Variants in RIMBP2 observed in about 807,000 individuals in gnomAD.
RIMBP2 encodes the protein RIMS-binding protein 2.
In RIMBP2, 48 loss-of-function variants were observed where a neutral mutation model predicts 118.6. The ratio of observed to expected loss-of-function variants is 0.40; its 90% CI spans 0.32 to 0.51. The LOEUF (loss-of-function observed/expected upper bound fraction) is 0.51. RIMBP2 is among the 20% of genes least tolerant of loss of function. The pLI, the probability that RIMBP2 is intolerant of heterozygous loss-of-function variation, is 0.41. For missense variants in RIMBP2, 1,551 were observed against 1,768.3 expected, an observed-to-expected ratio of 0.88 and a Z score of 2.20; for synonymous variants, 762 against 742.9, an observed-to-expected ratio of 1.03 and a Z score of -0.42.
intron 2 of RIMBP2, among the ~76,000 whole-genome samples, chr12:130,625,106 G>T (rs899111012): frequency 6.6e-6 from 1 of 152,198 alleles, no homozygotes; most frequent in Non-Finnish European, 1.5e-5. Context: ...CCCATATAAC[G>T]TGTGAAAGTC....
chr12:130,408,190 A>G (rs1190929171), intron 19 of RIMBP2, among the ~76,000 whole-genome samples: 1 of 152,176 alleles, frequency 6.6e-6, no homozygotes, highest in African/African-American at 2.4e-5. Flanking sequence ...GGCCCTGCAG[A>G]GTGCACGGTT....
At chr12:130,473,820 CCGA>C (rs2081209650) in intron 5 of RIMBP2, among the ~76,000 whole-genome samples, 1 of 152,124 alleles carries the variant, frequency 6.6e-6, no homozygotes, top group South Asian at 2.1e-4. Context: ...ACAACTGAGG[CCGA>C]CAATCTGAGG....
chr12:130,636,722 G>T (rs1397281647), intron 1 of RIMBP2, among the ~76,000 whole-genome samples: 1 of 152,146 alleles, frequency 6.6e-6, no homozygotes, highest in African/African-American at 2.4e-5. Flanking sequence ...AGAGAGTTTG[G>T]GTGTGGAGTC....
chr12:130,525,995 T>C lies in RIMBP2; in HGVS notation c.-216-8078A>G, dbSNP rs1016086475. On this transcript the variant is annotated intron_variant, in intron 2 of 22. Transcript: ENST00000690449. The surrounding 1 kb of genome is among the most constrained non-coding windows in gnomAD (Gnocchi z 4.4). The stretch of plus-strand genomic sequence containing the variant: ...GTCAGGTTTGAGACCCCCTCCTCCC[T>C]GCCCCAATTTGCCTCTTATTCTCCT... 1.3e-5 allele frequency among the ~76,000 whole-genome samples: 2 copies of C among 152,002 alleles called. No homozygotes were observed. Among genetic ancestry groups the C allele is most frequent in the South Asian group, 2.1e-4 (1 of 4,818 alleles).
chr12:130,500,494 C>T (rs1440375646), intron 4 of RIMBP2, among the ~76,000 whole-genome samples: 1 of 152,132 alleles, frequency 6.6e-6, no homozygotes, highest in African/African-American at 2.4e-5. Flanking sequence ...AATAAATAAG[C>T]CATGTGTTGC....
chr12:130,655,768 A>G (rs1482247629), intron 1 of RIMBP2, among the ~76,000 whole-genome samples: 1 of 152,182 alleles, frequency 6.6e-6, no homozygotes, highest in Non-Finnish European at 1.5e-5. Flanking sequence ...AGCTCCTCGA[A>G]TTTGCCCTTG....
In RIMBP2 at chr12:130,435,022, C is replaced by T. The variant is rs938807560; in HGVS notation, c.2107-142G>A. 3.4e-4 allele frequency: 262 copies of T among 769,768 alleles called. 1 individual carries two copies. Among genetic ancestry groups the T allele is most frequent in the Non-Finnish European group, 6.0e-5 (30 of 500,256 alleles). The allele number at this position is 769,768 out of a possible 1,614,324, so 47.7% of individuals were successfully genotyped here. A position where few individuals can be genotyped will look rare whatever the true frequency, so the allele number is the denominator to read the frequency against. On this transcript the variant is annotated intron_variant, in intron 13 of 22. Transcript: ENST00000690449. ...AGTGCTTTGGGCCCAGCTCTGCCGC[C>T]CTCTCGCTGCCCCAGACCCACCAGA...
chr12:130,540,749 C>G (rs771048668), intron 2 of RIMBP2, among the ~76,000 whole-genome samples: 6 of 152,190 alleles, frequency 3.9e-5, no homozygotes, highest in Admixed American at 1.3e-4. Context: ...CTCCCATCTT[C>G]TTGGCTGCAG....
chr12:130,706,355 TAAGAC>T (rs2066119198), intron 1 of RIMBP2, among the ~76,000 whole-genome samples: 2 of 152,370 alleles, frequency 1.3e-5, no homozygotes, highest in South Asian at 4.1e-4. Flanking sequence ...ATTTTATGGA[TAAGAC>T]AACGAAAGCG....
At chr12:130,680,105 A>G (rs565142753) in intron 1 of RIMBP2, among the ~76,000 whole-genome samples, 6 of 152,380 alleles carry the variant, frequency 3.9e-5, no homozygotes, top group African/African-American at 1.2e-4. Flanking sequence ...GAGACCATGC[A>G]GGCAATATGC....
intron 1 of RIMBP2, among the ~76,000 whole-genome samples, chr12:130,642,682 G>C (rs911738659): frequency 2.0e-5 from 3 of 152,202 alleles, no homozygotes; most frequent in Non-Finnish European, 2.9e-5. Flanking sequence ...CCTCTTCCAA[G>C]CACCAGGCAC....
chr12:130,510,308 T>C (rs955416616), intron 3 of RIMBP2, among the ~76,000 whole-genome samples: 1 of 152,066 alleles, frequency 6.6e-6, no homozygotes, highest in African/African-American at 2.4e-5. Context: ...GTGGACAATA[T>C]GGTGGCAATT....
At chr12:130,468,652 T>C (rs1036855829) in intron 6 of RIMBP2, among the ~76,000 whole-genome samples, 2 of 152,208 alleles carry the variant, frequency 1.3e-5, no homozygotes, top group Non-Finnish European at 2.9e-5. Context: ...AGGAGCTTGC[T>C]GTCCACACAA....
intron 17 of RIMBP2, among the ~76,000 whole-genome samples, chr12:130,421,971 G>A (rs184742995): frequency 6.6e-6 from 1 of 152,186 alleles, no homozygotes; most frequent in Non-Finnish European, 1.5e-5. Context: ...ATGGATGTGG[G>A]GAGCACACAT....
At chr12:130,633,974 G>T (rs2062178513) in intron 1 of RIMBP2, 1 of 152,240 alleles carries the variant, frequency 6.6e-6, no homozygotes, top group Non-Finnish European at 1.5e-5. Flanking sequence ...AGCCGGCCAG[G>T]AACTGCTTTG....
At chr12:130,465,287 G>A (rs1217875396) in intron 6 of RIMBP2, 1 of 152,258 alleles carries the variant, frequency 6.6e-6, no homozygotes. Flanking sequence ...ATCACCTGAG[G>A]TTCAATGCCT....
At chr12:130,443,594 T>C (rs768893863) in intron 10 of RIMBP2, among the ~76,000 whole-genome samples, 1 of 152,178 alleles carries the variant, frequency 6.6e-6, no homozygotes, top group Non-Finnish European at 1.5e-5. Context: ...GGGGAAGACA[T>C]GTCAACCATT....
At chr12:130,685,277 G>T (rs2136595134) in intron 1 of RIMBP2, among the ~76,000 whole-genome samples, 1 of 152,162 alleles carries the variant, frequency 6.6e-6, no homozygotes, top group Non-Finnish European at 1.5e-5. Context: ...ATGTTCCTTT[G>T]TTTTACTACA....
rs559625114 is a variant in RIMBP2, at chr12:130,537,962, T to C, written c.-216-20045A>G. ...TCTCCCTCCAGATGGAAGGATAGAA[T>C]TGTCAACAAATTTGCTGTTTCCATT... On this transcript the variant is annotated intron_variant, in intron 2 of 22. Coordinates refer to ENST00000690449, the MANE Select transcript of RIMBP2 (RefSeq NM_001393629.1). Among the ~76,000 whole-genome samples, 4 of 152,310 alleles carry C rather than the reference T, an allele frequency of 2.6e-5. No individual in the cohort carries two copies. In the East Asian group the frequency reaches 5.8e-4, roughly 22 times the overall value.
Sources: allele counts gnomAD v4.1 joint callset (sites outside exome capture counted in the v4.1 genomes callset), GRCh38; gene constraint gnomAD v4.1.1; non-coding constraint Gnocchi (gnomAD v3.1); transcripts MANE v1.5; gene names NCBI Gene and HGNC (gene_info 2026-07-23, HGNC 2026-07-21).